The following SPAG9 variants were observed in gnomAD, a reference collection of about 807,000 sequenced individuals.
SPAG9 encodes the protein sperm associated antigen 9.
A neutral mutation model predicts 166.5 loss-of-function variants in SPAG9; 35 were observed. The ratio of observed to expected loss-of-function variants is 0.21; its 90% CI spans 0.16 to 0.28. The LOEUF (loss-of-function observed/expected upper bound fraction) is 0.28. SPAG9 is among the 10% of genes least tolerant of loss of function. The pLI is 1.00. For synonymous variants in SPAG9, 534 were observed against 565.5 expected (o/e 0.94, Z 0.79); for missense variants, 1,235 against 1,603.3 (o/e 0.77, Z 3.92).
intron 5 of SPAG9, among the ~76,000 whole-genome samples, chr17:51,033,500 C>T (rs1219573051): frequency 6.6e-6 from 1 of 152,140 alleles, no homozygotes; most frequent in Non-Finnish European, 1.5e-5. Flanking sequence ...TTCAGTATTA[C>T]TAAAAATTGT....
intron 19 of SPAG9, 44 bp downstream of exon 19, chr17:50,993,719 AG>A: frequency 6.3e-7 from 1 of 1,585,196 alleles, no homozygotes; most frequent in Admixed American, 1.7e-5. Context: ...CCCAGCAGGT[AG>A]GTGGATGGAG....
At position 50,963,858 on chromosome 17, in the gene SPAG9, A is replaced by G. The variant is rs1973226027; in HGVS notation, c.*2414T>C. The G allele has an allele frequency of 6.6e-6, 1 of 152,290 alleles. No individual in the cohort carries two copies. The highest frequency in any genetic ancestry group is 1.5e-5 in the Non-Finnish European group (1 of 68,056). The allele number at this position is 152,290 out of a possible 1,614,324, so 9.4% of individuals were successfully genotyped here. A position where few individuals can be genotyped will look rare whatever the true frequency, so the allele number is the denominator to read the frequency against. On this transcript the variant is annotated 3_prime_UTR_variant, in exon 30 of 30. Coordinates refer to ENST00000262013, the MANE Select transcript of SPAG9 (RefSeq NM_001130528.3). ...CAGATTTAAGATGAAATAAAAACAT[A>G]GCAAACAAGCTATGGAAAAGTAGCC...
rs1973259866 is a variant in SPAG9 at position 50,964,487 on chromosome 17, C to A, written c.*1785G>T. The A allele has an allele frequency of 6.2e-6, 1 of 161,858 alleles. No homozygotes were observed. Among genetic ancestry groups the A allele is most frequent in the East Asian group, 1.9e-4 (1 of 5,248 alleles). The allele number at this position is 161,858 out of a possible 1,614,324, so 10.0% of individuals were successfully genotyped here. On this transcript the variant is annotated 3_prime_UTR_variant, in exon 30 of 30. Coordinates refer to ENST00000262013, the MANE Select transcript of SPAG9 (RefSeq NM_001130528.3). ...CCTGTAATCCCAGCTACTTGGGAGG[C>A]TGAGGCAGGAGAACTACTTGAACCT...
intron 1 of SPAG9, among the ~76,000 whole-genome samples, chr17:51,091,984 T>TAAAAAAAAAAAAAAAAAAAAAA (rs66581264): frequency 7.7e-6 from 1 of 129,270 alleles, no homozygotes; most frequent in Non-Finnish European, 1.6e-5. Context: ...CTCCCAAAGT[T>TAAAAAAAAAAAAAAAAAAAAAA]AAAAAAAAAA....
intron 4 of SPAG9, among the ~76,000 whole-genome samples, chr17:51,044,330 T>C (rs914049107): frequency 2.6e-5 from 4 of 152,210 alleles, no homozygotes; most frequent in African/African-American, 9.6e-5. Context: ...TGGAAAACTA[T>C]CAAGTGGCAG....
intron 2 of SPAG9, among the ~76,000 whole-genome samples, chr17:51,066,155 G>C (rs1021595866): frequency 1.8e-4 from 28 of 151,408 alleles, no homozygotes; most frequent in African/African-American, 6.6e-4. Context: ...TCCCAGGCTG[G>C]AGTGCAATGG....
intron 1 of SPAG9, among the ~76,000 whole-genome samples, chr17:51,107,742 G>GT (rs1016062371): frequency 7.6e-6 from 1 of 132,260 alleles, no homozygotes; most frequent in African/African-American, 2.5e-5. Context: ...CAAAAAAAAG[G>GT]TTAAAAAAAA....
At chr17:51,007,110 G>GGGGTGT (rs5820839) in intron 10 of SPAG9, among the ~76,000 whole-genome samples, 159 bp downstream of exon 10, 1 of 145,902 alleles carries the variant, frequency 6.9e-6, no homozygotes, top group African/African-American at 2.5e-5. Flanking sequence ...CCAACATTAG[G>GGGGTGT]GTGTGTGTGT....
At chr17:51,095,978 T>C (rs1361500869) in intron 1 of SPAG9, among the ~76,000 whole-genome samples, 1 of 47,154 alleles carries the variant, frequency 2.1e-5, no homozygotes, top group Non-Finnish European at 4.6e-5. Flanking sequence ...TATAGTGATA[T>C]ATATATATAT....
chr17:51,057,537 C>T (rs961070224), intron 2 of SPAG9, among the ~76,000 whole-genome samples: 4 of 152,132 alleles, frequency 2.6e-5, no homozygotes, highest in African/African-American at 7.2e-5. Flanking sequence ...TTATATGCCT[C>T]CTAGTATTAA....
chr17:51,079,535 G>C (rs1568068111), intron 2 of SPAG9, 49 bp downstream of exon 2: 1 of 1,595,398 alleles, frequency 6.3e-7, no homozygotes, highest in East Asian at 2.2e-5. Flanking sequence ...CACCACGTCT[G>C]GCCAAGCCCA....
intron 25 of SPAG9, among the ~76,000 whole-genome samples, chr17:50,981,431 T>G: frequency 6.6e-6 from 1 of 151,530 alleles, no homozygotes; most frequent in African/African-American, 2.4e-5. Flanking sequence ...GATGGATGGA[T>G]AGACAGCCAG....
In SPAG9 at chr17:50,990,276, C is replaced by T. The variant is rs149734063; in HGVS notation, c.2617+174G>A. ...ATCTCCTGACCTCGTGATCCACCCG[C>T]CTTGGCCTCCCAGAGTGCTGGGATT... On this transcript the variant is annotated intron_variant, in intron 20 of 29. Coordinates refer to ENST00000262013, the MANE Select transcript of SPAG9 (RefSeq NM_001130528.3). 6.6e-6 allele frequency: 4 copies of T among 602,652 alleles called. No individual in the cohort carries two copies. In the South Asian group the frequency reaches 7.7e-5, roughly 12 times the overall value. The allele number at this position is 602,652 out of a possible 1,614,324, so 37.3% of individuals were successfully genotyped here.
chr17:50,976,533 T>C (rs72842240), intron 27 of SPAG9: 10,801 of 153,180 alleles, frequency 0.071, 401 homozygotes, highest in Non-Finnish European at 0.089. Context: ...TTTTAAACCA[T>C]TCCCTGCCAT....
At chr17:51,091,973 G>A (rs1305304625) in intron 1 of SPAG9, among the ~76,000 whole-genome samples, 1 of 120,862 alleles carries the variant, frequency 8.3e-6, no homozygotes, top group African/African-American at 3.4e-5. Context: ...GAAAAGACAA[G>A]CTCCCAAAGT....
chr17:51,000,007 A>AT (rs2044861960), intron 13 of SPAG9, among the ~76,000 whole-genome samples: 1 of 152,234 alleles, frequency 6.6e-6, no homozygotes, highest in African/African-American at 2.4e-5. Flanking sequence ...GATATTTAAA[A>AT]TTTTTTATTG....
intron 2 of SPAG9, among the ~76,000 whole-genome samples, chr17:51,057,429 A>G (rs1399994737): frequency 6.6e-6 from 1 of 152,258 alleles, no homozygotes; most frequent in Non-Finnish European, 1.5e-5. Context: ...GGCCGCAAAC[A>G]GGCAAGGCTG....
chr17:50,973,942 A>G (rs1974018268), intron 28 of SPAG9, among the ~76,000 whole-genome samples: 1 of 152,186 alleles, frequency 6.6e-6, no homozygotes, highest in African/African-American at 2.4e-5. Context: ...CTCTCTTCAT[A>G]CGCACATACA....
chr17:51,096,486 A>C (rs150147438), intron 1 of SPAG9, among the ~76,000 whole-genome samples: 1 of 152,346 alleles, frequency 6.6e-6, no homozygotes, highest in Non-Finnish European at 1.5e-5. Context: ...TACTACTGAT[A>C]GGAATATAAA....
Sources: allele counts gnomAD v4.1 joint callset (sites outside exome capture counted in the v4.1 genomes callset), GRCh38; gene constraint gnomAD v4.1.1; transcripts MANE v1.5; gene names NCBI Gene and HGNC (gene_info 2026-07-23, HGNC 2026-07-21).